Variants in NYAP2 observed in about 807,000 individuals in gnomAD.
The protein encoded by NYAP2 is neuronal tyrosine-phosphorylated phosphoinositide-3-kinase adapter 2.
In NYAP2, 23 loss-of-function variants were observed where a neutral mutation model predicts 50.4. The ratio of observed to expected loss-of-function variants is 0.46; its 90% CI spans 0.33 to 0.65. The LOEUF (loss-of-function observed/expected upper bound fraction) is 0.65, where lower values mean the gene tolerates loss of function less well. Ranked by LOEUF, NYAP2 falls within the 30% of genes least tolerant of loss-of-function variation. The pLI, the probability that NYAP2 is intolerant of heterozygous loss-of-function variation, is 0.02. For missense variants in NYAP2, 885 were observed against 861.0 expected (o/e 1.03, Z -0.35); for synonymous variants, 394 against 365.2 (o/e 1.08, Z -0.90).
intron 3 of NYAP2, among the ~76,000 whole-genome samples, chr2:225,508,001 A>C (rs1690741181): frequency 6.6e-6 from 1 of 152,222 alleles, no homozygotes; most frequent in South Asian, 2.1e-4. Context: ...GGAGATATTT[A>C]CAAACATTGC....
intron 4 of NYAP2, among the ~76,000 whole-genome samples, chr2:225,574,231 C>A (rs1473555003): frequency 6.6e-6 from 1 of 152,128 alleles, no homozygotes; most frequent in Non-Finnish European, 1.5e-5. Context: ...ACCGCACAAA[C>A]CCAATATACA....
chr2:225,610,258 G>A (rs1286836809), intron 5 of NYAP2, among the ~76,000 whole-genome samples: 1 of 152,046 alleles, frequency 6.6e-6, no homozygotes, highest in Admixed American at 6.6e-5. Context: ...TGGCAGATTT[G>A]GTCTTTCTTG....
chr2:225,469,867 G>A (rs1689985115), intron 3 of NYAP2, among the ~76,000 whole-genome samples: 1 of 152,124 alleles, frequency 6.6e-6, no homozygotes, highest in Admixed American at 6.5e-5. Flanking sequence ...GGGGGCTAGG[G>A]GAGGGATAGC....
chr2:225,696,716 TATAC>T, the NYAP2 span, among the ~76,000 whole-genome samples: 1 of 151,960 alleles, frequency 6.6e-6, no homozygotes, highest in South Asian at 2.1e-4. Flanking sequence ...TAGTTCTGTG[TATAC>T]ATACATTGAG....
At chr2:225,492,991 CTTT>C (rs113469511) in intron 3 of NYAP2, among the ~76,000 whole-genome samples, 1 of 144,398 alleles carries the variant, frequency 6.9e-6, no homozygotes. Flanking sequence ...TTTATAGCAA[CTTT>C]TTTTTTTTTT....
At position 225,543,417 on chromosome 2, in the gene NYAP2, G is replaced by GTT. The variant is rs533857246; in HGVS notation, c.523+29748_523+29749dup. 1.9e-3 allele frequency among the ~76,000 whole-genome samples: 285 copies of GTT among 151,820 alleles called. 2 individuals carry two copies. The highest frequency in any genetic ancestry group is 3.2e-3 in the Admixed American group (49 of 15,258). On this transcript the variant is annotated intron_variant, in intron 4 of 6. Transcript: ENST00000636099. Reference sequence around the variant, plus strand: ...AGCTAAAAACTTCTGTTTTATGACTGTTTTCACTGTATCCCAAAAGTATTG... The same window carrying GTT: ...AGCTAAAAACTTCTGTTTTATGACTGTTTTTTCACTGTATCCCAAAAGTATTG...
At chr2:225,433,857 G>GCAGTTGAA (rs1689320468) in intron 3 of NYAP2, among the ~76,000 whole-genome samples, 1 of 145,536 alleles carries the variant, frequency 6.9e-6, no homozygotes, top group African/African-American at 2.5e-5. Flanking sequence ...TTAGAGTCAA[G>GCAGTTGAA]CAGTTGAAGT....
At chr2:225,428,967 C>T (rs114387918) in intron 3 of NYAP2, among the ~76,000 whole-genome samples, 1 of 152,142 alleles carries the variant, frequency 6.6e-6, no homozygotes. Context: ...AAATTCTTTA[C>T]ATGTGACATC....
At chr2:225,616,257 G>A (rs1391951330) in intron 5 of NYAP2, among the ~76,000 whole-genome samples, 1 of 152,218 alleles carries the variant, frequency 6.6e-6, no homozygotes, top group Non-Finnish European at 1.5e-5. Context: ...TCCCTTGGAT[G>A]TAAGAATTGA....
chr2:225,555,617 C>G (rs749580269), intron 4 of NYAP2, among the ~76,000 whole-genome samples: 20 of 152,164 alleles, frequency 1.3e-4, no homozygotes, highest in Non-Finnish European at 2.6e-4. Context: ...CAGATCTGGT[C>G]CCTGTGCCAA....
chr2:225,507,058 A>G (rs1169897733), intron 3 of NYAP2, among the ~76,000 whole-genome samples: 1 of 152,042 alleles, frequency 6.6e-6, no homozygotes, highest in Non-Finnish European at 1.5e-5. Flanking sequence ...AAGCAAGCAA[A>G]CTCCTAGGCA....
chr2:225,421,867 C>T (rs1695220169), intron 3 of NYAP2, among the ~76,000 whole-genome samples: 3 of 152,182 alleles, frequency 2.0e-5, no homozygotes, highest in Non-Finnish European at 1.5e-5. Flanking sequence ...AAAGAAATCC[C>T]ATGACACTTT....
chr2:225,674,921 C>A, the NYAP2 span, among the ~76,000 whole-genome samples: 2 of 151,984 alleles, frequency 1.3e-5, no homozygotes, highest in Non-Finnish European at 2.9e-5. Flanking sequence ...TTAGAGTAGA[C>A]TGTGTGTCAG....
chr2:225,411,918 A>G (rs1695048225), intron 3 of NYAP2, among the ~76,000 whole-genome samples: 1 of 151,314 alleles, frequency 6.6e-6, no homozygotes, highest in South Asian at 2.1e-4. Flanking sequence ...AAAGGATTTG[A>G]AGCATAATAT....
chr2:225,612,442 T>C (rs771412757), intron 5 of NYAP2, among the ~76,000 whole-genome samples: 14 of 152,180 alleles, frequency 9.2e-5, no homozygotes, highest in East Asian at 5.8e-4. Flanking sequence ...CTGACTGGCA[T>C]TGGGGAGCTT....
intron 5 of NYAP2, among the ~76,000 whole-genome samples, chr2:225,601,231 C>T (rs1692685353): frequency 6.6e-6 from 1 of 151,666 alleles, no homozygotes; most frequent in Admixed American, 6.6e-5. Flanking sequence ...AGTGATTATC[C>T]TGCCTCAGTC....
the NYAP2 span, chr2:225,699,371 T>C: frequency 2.6e-5 from 4 of 151,850 alleles, no homozygotes; most frequent in African/African-American, 9.7e-5. Context: ...GAGACCAGGG[T>C]TCACTGTGAC....
rs543516858 is a variant in NYAP2 at position 225,530,419 on chromosome 2, T to G, written c.523+16747T>G. Among the ~76,000 whole-genome samples the G allele has an allele frequency of 1.1e-4, 16 of 152,348 alleles. 1 individual carries two copies. Among genetic ancestry groups the G allele is most frequent in the Middle Eastern group, 3.4e-3 (1 of 294 alleles). ...GACACTAAATTGAATCTCGGTTCTC[T>G]TCTCAATGTTGTCCTTTTATCCCTA... is the stretch of plus-strand genomic sequence containing the variant. On this transcript the variant is annotated intron_variant, in intron 4 of 6. Transcript: ENST00000636099.
At chr2:225,596,790 AAAGAG>A (rs1179199668) in intron 5 of NYAP2, among the ~76,000 whole-genome samples, 1 of 152,190 alleles carries the variant, frequency 6.6e-6, no homozygotes, top group Non-Finnish European at 1.5e-5. Flanking sequence ...ATAATACTGA[AAAGAG>A]AAGTCAGTCC....
Sources: allele counts gnomAD v4.1 joint callset (sites outside exome capture counted in the v4.1 genomes callset), GRCh38; gene constraint gnomAD v4.1.1; transcripts MANE v1.5; gene names NCBI Gene and HGNC (gene_info 2026-07-23, HGNC 2026-07-21).